Variants in FAM187B observed in about 807,000 individuals in gnomAD.
FAM187B encodes the protein protein FAM187B.
Under a neutral mutation model 22.6 loss-of-function variants are expected in FAM187B, and 22 were observed. The observed-to-expected ratio is 0.97, with a 90% CI of 0.70 to 1.39. The LOEUF (loss-of-function observed/expected upper bound fraction) is 1.39. FAM187B is among the 40% of genes most tolerant of loss of function. The probability of loss-of-function intolerance (pLI) is 0.00; values close to 1 mark genes in which losing one functional copy is unlikely to be tolerated. For missense variants in FAM187B, 433 were observed against 462.1 expected (o/e 0.94, Z 0.58); for synonymous variants, 192 against 201.8 (o/e 0.95, Z 0.41).
intron 1 of FAM187B, among the ~76,000 whole-genome samples, chr19:35,226,331 T>G (rs1304980984): frequency 6.6e-6 from 1 of 151,976 alleles, no homozygotes; most frequent in Admixed American, 6.6e-5. Flanking sequence ...GGTGTGGTAG[T>G]GCATGTCTGT....
chr19:35,227,976 G>C lies in FAM187B; in HGVS notation c.705C>G (p.Pro235=). 1 of 1,611,468 alleles carries C rather than the reference G, an allele frequency of 6.2e-7. No individual in the cohort carries two copies. The highest frequency in any genetic ancestry group is 8.5e-7 in the Non-Finnish European group (1 of 1,178,376). The stretch of plus-strand genomic sequence containing the variant: ...TCCATCACCTGTACATGGATCCTAA[G>C]GGACAGTCGAGCCACACAAATTCTG... The part of the protein sequence containing the change: ...EKTEFVWLDC[P]LGSMYRPVNW... The change falls in exon 1 of 2, where the codon CCC becomes CCG. Residue 235 remains proline (P), a synonymous_variant. Transcript: ENST00000324675.
rs1208149628 is a variant in FAM187B, at chr19:35,228,367, T to C, written c.314A>G (p.Gln105Arg). Residue 105 changes from glutamine (Q) to arginine (R), a missense_variant, in exon 1 of 2, where the codon CAG becomes CGG. Gln to Arg is a conservative substitution (Grantham distance 43). Coordinates refer to ENST00000324675, the MANE Select transcript of FAM187B (RefSeq NM_152481.2). The stretch of plus-strand genomic sequence containing the variant: ...GACATCCTGAAAGTCAATTTCATAC[T>C]GCACCACTTGGCGGCCATTCTTGTT... ...CWNKNGRQVV[Q>R]YEIDFQDVTT... 6.2e-7 allele frequency: 1 copy of C among 1,613,660 alleles called. No homozygotes were observed. The highest frequency in any genetic ancestry group is 1.1e-5 in the South Asian group (1 of 91,086).
intron 1 of FAM187B, among the ~76,000 whole-genome samples, chr19:35,226,415 A>G (rs2065661660): frequency 6.6e-6 from 1 of 152,068 alleles, no homozygotes; most frequent in Non-Finnish European, 1.5e-5. Flanking sequence ...GTGAGCTGTG[A>G]TTGTGCCACT....
At chr19:35,226,405 G>T (rs923861786) in intron 1 of FAM187B, among the ~76,000 whole-genome samples, 36 of 152,140 alleles carry the variant, frequency 2.4e-4, no homozygotes, top group African/African-American at 8.7e-4. Context: ...TGAGGCTGCA[G>T]TGAGCTGTGA....
rs369933767 is a variant in FAM187B, at chr19:35,225,291, C to T, written c.723-79G>A. 8.9e-5 allele frequency: 127 copies of T among 1,419,382 alleles called. 2 individuals carry two copies. The East Asian group carries it at 2.6e-3, about 29-fold the overall frequency. 87.9% of individuals were successfully genotyped at this position (1,419,382 alleles called of 1,614,324 possible). A position where few individuals can be genotyped will look rare whatever the true frequency, so the allele number is the denominator to read the frequency against. ...TCTCCCTGAGGAACAGAAAATAAAGCACCGCCCAGTCCCCCTCCTCGCCAC... is the reference window on the plus strand; with the variant it reads ...TCTCCCTGAGGAACAGAAAATAAAGTACCGCCCAGTCCCCCTCCTCGCCAC... On this transcript the variant is annotated intron_variant, in intron 1 of 1. Coordinates refer to ENST00000324675, the MANE Select transcript of FAM187B (RefSeq NM_152481.2).
Position 35,228,723 on chromosome 19 carries a change from A to G in FAM187B, c.-43T>C. On this transcript the variant is annotated 5_prime_UTR_variant, in exon 1 of 2. The change abolishes an upstream ATG in the 5' untranslated region. Coordinates refer to ENST00000324675, the MANE Select transcript of FAM187B (RefSeq NM_152481.2). ...GCAGTGGGCTGGTGCCACCCCGAAC[A>G]TTGTGAGGTCACCCATGAACTCTGG... is the stretch of plus-strand genomic sequence containing the variant. The G allele has an allele frequency of 6.4e-7, 1 of 1,558,846 alleles. No individual in the cohort carries two copies. The highest frequency in any genetic ancestry group is 8.6e-7 in the Non-Finnish European group (1 of 1,157,328).
At chr19:35,227,219 T>G (rs1170032586) in intron 1 of FAM187B, among the ~76,000 whole-genome samples, 1 of 152,058 alleles carries the variant, frequency 6.6e-6, no homozygotes, top group Non-Finnish European at 1.5e-5. Flanking sequence ...GGGGTTTTTT[T>G]GTTTTTTTGT....
At position 35,228,312 on chromosome 19, in the gene FAM187B, C is replaced by T. The variant is rs1375864874; in HGVS notation, c.369G>A (p.Leu123=). ...VTTLHITHKD[L]GQRPLQNETL... is the part of the protein sequence containing the mutation. ...TCTCGTTCTGCAGGGGCCTCTGACC[C>T]AGGTCCTTGTGTGTTATATGCAGGG... Residue 123 remains leucine (L), a synonymous_variant, in exon 1 of 2, where the codon CTG becomes CTA. Coordinates refer to ENST00000324675, the MANE Select transcript of FAM187B (RefSeq NM_152481.2). 4 of 1,614,086 alleles carry T rather than the reference C, an allele frequency of 2.5e-6. No homozygotes were observed. The highest frequency in any genetic ancestry group is 3.4e-6 in the Non-Finnish European group (4 of 1,180,048).
At chr19:35,225,978 G>C (rs1476410278) in intron 1 of FAM187B, among the ~76,000 whole-genome samples, 1 of 152,128 alleles carries the variant, frequency 6.6e-6, no homozygotes, top group African/African-American at 2.4e-5. Context: ...TAGCCACGCT[G>C]CTCTCCTAGA....
chr19:35,227,826 C>A, intron 1 of FAM187B, 133 bp downstream of exon 1: 1 of 1,351,326 alleles, frequency 7.4e-7, no homozygotes, highest in Non-Finnish European at 1.0e-6. Flanking sequence ...AAGAGCAGGG[C>A]CTGGCACTGT....
In FAM187B at chr19:35,224,942, G is replaced by A; in HGVS notation, c.993C>T (p.Leu331=). The change falls in exon 2 of 2, where the codon CTC becomes CTT. Residue 331 remains leucine (L), a synonymous_variant. Transcript: ENST00000324675. The stretch of plus-strand genomic sequence containing the variant: ...CGAGCAGCACCAGCTTCAGCCCCTT[G>A]AGCACGGAGTCCGCCCTGCCCCGCA... ...KALRGRADSV[L]KGLKLVLLVV... is the part of the protein sequence containing the mutation. The A allele has an allele frequency of 1.2e-6, 2 of 1,613,832 alleles. No homozygotes were observed. Among genetic ancestry groups the A allele is most frequent in the Non-Finnish European group, 1.7e-6 (2 of 1,179,976 alleles).
At chr19:35,225,315 A>AC (rs1211137934) in intron 1 of FAM187B, 103 bp from the exon 2 acceptor site, 4 of 1,353,232 alleles carry the variant, frequency 3.0e-6, no homozygotes, top group Non-Finnish European at 3.9e-6. Flanking sequence ...CCTCCTCGCC[A>AC]CCCCCCACGG....
rs949241807 is a variant in FAM187B, at chr19:35,225,025, T to G, written c.910A>C (p.Thr304Pro). 2.5e-6 allele frequency: 4 copies of G among 1,613,514 alleles called. No individual in the cohort carries two copies. The African/African-American group carries it at 5.3e-5, about 22-fold the overall frequency. ...AQFKPAASLE[T>P]LEAQWRENDA... is the part of the protein sequence containing the mutation. Reference sequence around the variant, plus strand: ...TTCTCTCTCCACTGAGCCTCCAGCGTCTCCAGACTGGCGGCGGGTTTGAAC... The same window carrying G: ...TTCTCTCTCCACTGAGCCTCCAGCGGCTCCAGACTGGCGGCGGGTTTGAAC... Residue 304 changes from threonine (T) to proline (P), a missense_variant, in exon 2 of 2, where the codon ACG becomes CCG. Transcript: ENST00000324675.
chr19:35,225,005 T>C lies in FAM187B; in HGVS notation c.930A>G (p.Arg310=), dbSNP rs759253520. The C allele has an allele frequency of 1.7e-5, 28 of 1,613,844 alleles. No homozygotes were observed. The South Asian group carries it at 2.4e-4, about 14-fold the overall frequency. The change falls in exon 2 of 2, where the codon AGA becomes AGG. Residue 310 remains arginine, a synonymous_variant. Coordinates refer to ENST00000324675, the MANE Select transcript of FAM187B (RefSeq NM_152481.2). ...ASLETLEAQW[R]ENDAQWREAR... The stretch of plus-strand genomic sequence containing the variant: ...CCTCCCGCCACTGGGCATCGTTCTC[T>C]CTCCACTGAGCCTCCAGCGTCTCCA...
Position 35,228,211 on chromosome 19 carries a change from G to A in FAM187B, c.470C>T (p.Pro157Leu), listed in dbSNP as rs147533788. The change falls in exon 1 of 2, where the codon CCG (proline) becomes CTG (leucine). Residue 157 changes from proline to leucine, a missense_variant. Physicochemically the swap from Pro to Leu is moderately conservative, Grantham distance 98 (BLOSUM62 -3). Transcript: ENST00000324675. ...GTACCCCAGGCGTTTACACTCGCCC[G>A]GCTCCTCACAGCGGTTGCAGTCCTG... ...PWQDCNRCEE[P>L]GECKRLGYRY... The A allele has an allele frequency of 1.7e-5, 27 of 1,614,192 alleles. No homozygotes were observed. In the African/African-American group the frequency reaches 2.8e-4, roughly 17 times the overall value.
In FAM187B at chr19:35,224,892, C is replaced by T; in HGVS notation, c.1043G>A (p.Gly348Glu). The change falls in exon 2 of 2, where the codon GGG becomes GAG. Residue 348 changes from glycine to glutamate, a missense_variant. Coordinates refer to ENST00000324675, the MANE Select transcript of FAM187B (RefSeq NM_152481.2). ...AGGGTGGATGCACTTGAGCAGCGCC[C>T]CCAGCAGGGCCAGGACGGTGACCAC... ...LLVVTVLALL[G>E]ALLKCIHPSP... is the part of the protein sequence containing the mutation. 1 of 1,613,918 alleles carries T rather than the reference C, an allele frequency of 6.2e-7. No homozygotes were observed. The highest frequency in any genetic ancestry group is 8.5e-7 in the Non-Finnish European group (1 of 1,179,956).
At position 35,228,572 on chromosome 19, in the gene FAM187B, C is replaced by T. The variant is rs762882367; in HGVS notation, c.109G>A (p.Gly37Ser). 7.4e-6 allele frequency: 12 copies of T among 1,614,166 alleles called. No homozygotes were observed. The Admixed American group carries it at 1.5e-4, about 20-fold the overall frequency. The change falls in exon 1 of 2, where the codon GGC (glycine) becomes AGC (serine). Residue 37 changes from glycine to serine, a missense_variant. By Grantham distance (56) the Gly-to-Ser change is moderately conservative. Coordinates refer to ENST00000324675, the MANE Select transcript of FAM187B (RefSeq NM_152481.2). ...TTGCAATACAGGAGAATATCATTGCCTGAGAGTAGGGCCTGTTGGCACTGC... is the reference window on the plus strand; with the variant it reads ...TTGCAATACAGGAGAATATCATTGCTTGAGAGTAGGGCCTGTTGGCACTGC... ...GKQCQQALLSGNDILLYCNSS... is the reference protein window; with the variant it reads ...GKQCQQALLSSNDILLYCNSS...
Position 35,228,724 on chromosome 19 carries a change from T to C in FAM187B, c.-44A>G. The C allele has an allele frequency of 6.4e-7, 1 of 1,558,188 alleles. No individual in the cohort carries two copies. The highest frequency in any genetic ancestry group is 8.6e-7 in the Non-Finnish European group (1 of 1,157,096). ...CAGTGGGCTGGTGCCACCCCGAACA[T>C]TGTGAGGTCACCCATGAACTCTGGC... On this transcript the variant is annotated 5_prime_UTR_variant, in exon 1 of 2. It removes an upstream start codon present in the reference 5' UTR. Coordinates refer to ENST00000324675, the MANE Select transcript of FAM187B (RefSeq NM_152481.2).
In FAM187B at chr19:35,224,999, G is replaced by T. The variant is rs771378583; in HGVS notation, c.936C>A (p.Asn312Lys). The T allele has an allele frequency of 4.3e-6, 7 of 1,613,712 alleles. No homozygotes were observed. Among genetic ancestry groups the T allele is most frequent in the Non-Finnish European group, 5.1e-6 (6 of 1,179,974 alleles). ...LETLEAQWRE[N>K]DAQWREARKA... ...TCCTTGCCTCCCGCCACTGGGCATC[G>T]TTCTCTCTCCACTGAGCCTCCAGCG... Residue 312 changes from asparagine (N) to lysine (K), a missense_variant, in exon 2 of 2, where the codon AAC becomes AAA. By Grantham distance (94) the Asn-to-Lys change is moderately conservative. Coordinates refer to ENST00000324675, the MANE Select transcript of FAM187B (RefSeq NM_152481.2).
Sources: gnomAD v4.1 joint callset for allele counts (sites outside exome capture counted in the v4.1 genomes callset) on GRCh38, gnomAD v4.1.1 for gene constraint, MANE v1.5 for transcripts, NCBI Gene and HGNC (gene_info 2026-07-23, HGNC 2026-07-21) for gene names.